The following MTUS1 variants were observed in gnomAD, a reference collection of about 807,000 sequenced individuals.
MTUS1 encodes microtubule-associated tumor suppressor 1.
A neutral mutation model predicts 120.8 loss-of-function variants in MTUS1; 109 were observed. The ratio of observed to expected loss-of-function variants is 0.90; its 90% CI spans 0.77 to 1.06. The LOEUF (loss-of-function observed/expected upper bound fraction) is 1.06. Ranked by LOEUF, MTUS1 falls within the 50% of genes least tolerant of loss-of-function variation. The pLI is 0.00. For synonymous variants in MTUS1, 737 were observed against 550.5 expected, an observed-to-expected ratio of 1.34 and a Z score of -4.74; for missense variants, 2,210 against 1,486.3, an observed-to-expected ratio of 1.49 and a Z score of -8.01.
intron 12 of MTUS1, 149 bp downstream of exon 12, chr8:17,653,037 G>C: frequency 1.9e-6 from 1 of 535,492 alleles, no homozygotes; most frequent in South Asian, 3.0e-5. Flanking sequence ...AAGCAAAGCA[G>C]TTGTTTTACA....
intron 3 of MTUS1, among the ~76,000 whole-genome samples, chr8:17,736,608 G>A (rs60506432): frequency 0.22 from 33,757 of 151,446 alleles, 3,768 homozygotes; most frequent in Middle Eastern, 0.24. Context: ...TTTTTGAGAT[G>A]GGGTCTTGCT....
At position 17,645,055 on chromosome 8, in the gene MTUS1, A is replaced by G. The variant is rs1420303549; in HGVS notation, c.*871T>C. ...GGTACTTCCCTTTTTCTTTCTTTAC[A>G]CAGTTAGTTAGTTAGTTTGTTTTTT... On this transcript the variant is annotated 3_prime_UTR_variant, in exon 15 of 15. Transcript: ENST00000693296. The G allele has an allele frequency of 4.5e-5, 1 of 22,346 alleles. No homozygotes were observed. Among genetic ancestry groups the G allele is most frequent in the Non-Finnish European group, 1.6e-4 (1 of 6,108 alleles). 1.4% of individuals were successfully genotyped at this position (22,346 alleles called of 1,614,324 possible).
intron 1 of MTUS1, among the ~76,000 whole-genome samples, chr8:17,785,982 A>G (rs2051272491): frequency 1.3e-5 from 2 of 152,132 alleles, no homozygotes; most frequent in African/African-American, 4.8e-5. Context: ...TCCCTAAAAA[A>G]TTTAAAAATT....
chr8:17,754,847 C>A lies in MTUS1; in HGVS notation c.961G>T (p.Glu321Ter). ...CTGTATGAGCTCTGTGAATGTGGTT[C>A]GCTATTGGATTCATCATGGGATAAA... ...FCLSHDESNS[E>*]PHSQSSYRHK... Residue 321 changes from glutamate to a stop codon, truncating the protein, a stop_gained, in exon 2 of 15, where the codon GAA becomes TAA. Transcript: ENST00000693296. LOFTEE classifies it high-confidence loss of function. 6.2e-7 allele frequency: 1 copy of A among 1,614,198 alleles called. No individual in the cohort carries two copies. The highest frequency in any genetic ancestry group is 8.5e-7 in the Non-Finnish European group (1 of 1,180,044).
intron 2 of MTUS1, among the ~76,000 whole-genome samples, chr8:17,749,045 C>T (rs138298083): frequency 5.9e-5 from 9 of 152,230 alleles, no homozygotes; most frequent in Non-Finnish European, 8.8e-5. Context: ...CCACTTCTCT[C>T]GGCCAAGGGC....
intron 8 of MTUS1, among the ~76,000 whole-genome samples, chr8:17,657,886 T>C (rs1808766036): frequency 1.3e-5 from 2 of 151,250 alleles, no homozygotes; most frequent in African/African-American, 4.9e-5. Context: ...CACGTATATA[T>C]GCATACATAT....
chr8:17,702,407 C>T (rs1392296165), intron 6 of MTUS1, among the ~76,000 whole-genome samples: 1 of 152,098 alleles, frequency 6.6e-6, no homozygotes, highest in African/African-American at 2.4e-5. Context: ...GTGGCAAGAA[C>T]ACTTAATGAG....
chr8:17,667,773 T>C (rs1490824017), intron 8 of MTUS1, among the ~76,000 whole-genome samples: 1 of 152,238 alleles, frequency 6.6e-6, no homozygotes, highest in Non-Finnish European at 1.5e-5. Flanking sequence ...AGCTCTTTGC[T>C]TTCCAGCTTC....
At chr8:17,663,414 T>TTA (rs1291784284) in intron 8 of MTUS1, among the ~76,000 whole-genome samples, 4 of 152,230 alleles carry the variant, frequency 2.6e-5, no homozygotes, top group Non-Finnish European at 5.9e-5. Context: ...TTCCTAGTTT[T>TTA]TATATCTGAG....
chr8:17,722,109 C>T, intron 4 of MTUS1: 1 of 1,293,716 alleles, frequency 7.7e-7, no homozygotes, highest in South Asian at 2.4e-5. Flanking sequence ...GCAACAGGAA[C>T]ACATCGCCAC....
At chr8:17,680,421 G>A (rs1057082031) in intron 7 of MTUS1, among the ~76,000 whole-genome samples, 4 of 124,528 alleles carry the variant, frequency 3.2e-5, no homozygotes, top group Non-Finnish European at 3.2e-5. Flanking sequence ...CTGAGATTGC[G>A]CCACTGCACT....
chr8:17,694,404 G>A (rs1338411232), intron 6 of MTUS1, among the ~76,000 whole-genome samples: 2 of 152,208 alleles, frequency 1.3e-5, no homozygotes, highest in African/African-American at 4.8e-5. Context: ...GGTAGCTCAT[G>A]TCTGTAATCC....
At chr8:17,731,573 T>G (rs942913832) in intron 3 of MTUS1, among the ~76,000 whole-genome samples, 2 of 151,808 alleles carry the variant, frequency 1.3e-5, no homozygotes, top group Non-Finnish European at 2.9e-5. Flanking sequence ...TCTTCTTGAG[T>G]AGGGACCGTC....
intron 2 of MTUS1, among the ~76,000 whole-genome samples, chr8:17,753,250 G>A (rs2048329464): frequency 6.6e-6 from 1 of 152,014 alleles, no homozygotes; most frequent in African/African-American, 2.4e-5. Flanking sequence ...CATACAAGAG[G>A]GCTCTACTTC....
chr8:17,672,131 G>A (rs565625582), intron 8 of MTUS1, among the ~76,000 whole-genome samples: 3 of 152,240 alleles, frequency 2.0e-5, no homozygotes, highest in South Asian at 2.1e-4. Context: ...AGAGCCTGTC[G>A]TTTGGGATTT....
intron 1 of MTUS1, among the ~76,000 whole-genome samples, chr8:17,790,347 C>CA (rs5889733): frequency 3.0e-4 from 41 of 135,146 alleles, no homozygotes; most frequent in Admixed American, 7.4e-4. Flanking sequence ...GATTCCCTTT[C>CA]AAAAAAAAAA....
In MTUS1 at chr8:17,684,191, A is replaced by G. The variant is rs1815235931; in HGVS notation, c.2838+137T>C. 20 of 663,048 alleles carry G rather than the reference A, an allele frequency of 3.0e-5. No individual in the cohort carries two copies. The South Asian group carries it at 3.5e-4, about 11-fold the overall frequency. 41.1% of individuals were successfully genotyped at this position (663,048 alleles called of 1,614,324 possible). A position where few individuals can be genotyped will look rare whatever the true frequency, so the allele number is the denominator to read the frequency against. ...GACTCAAGTATCTGGTGAAGTGACA[A>G]AAATGTAATGGGATGAATGACACCT... On this transcript the variant is annotated intron_variant, in intron 7 of 14. Transcript: ENST00000693296.
At chr8:17,783,054 G>A (rs899783088) in intron 1 of MTUS1, among the ~76,000 whole-genome samples, 25 of 151,810 alleles carry the variant, frequency 1.6e-4, no homozygotes, top group Non-Finnish European at 3.7e-4. Context: ...CTCCAACCTG[G>A]GCGAAGAGAG....
intron 7 of MTUS1, among the ~76,000 whole-genome samples, chr8:17,681,928 T>C (rs1012404150): frequency 2.0e-5 from 3 of 152,174 alleles, no homozygotes; most frequent in Non-Finnish European, 2.9e-5. Flanking sequence ...TTTCAATATA[T>C]TCAATATAAA....
Sources: allele counts gnomAD v4.1 joint callset (sites outside exome capture counted in the v4.1 genomes callset), GRCh38; gene constraint gnomAD v4.1.1; transcripts MANE v1.5; gene names NCBI Gene and HGNC (gene_info 2026-07-23, HGNC 2026-07-21).